PDE1A: variants seen among roughly 807,000 people sequenced by gnomAD.
The protein encoded by PDE1A is dual specificity calcium/calmodulin-dependent 3',5'-cyclic nucleotide phosphodiesterase 1A.
In PDE1A, 35 loss-of-function variants were observed where a neutral mutation model predicts 61.7. The observed-to-expected ratio is 0.57, with a 90% CI of 0.43 to 0.75. The LOEUF is 0.75. Among genes scored for constraint, PDE1A ranks in the 30% least tolerant of loss-of-function variants. The pLI is 0.00. For missense variants in PDE1A, 597 were observed against 630.6 expected, an observed-to-expected ratio of 0.95 and a Z score of 0.57; for synonymous variants, 232 against 213.2, an observed-to-expected ratio of 1.09 and a Z score of -0.77.
At chr2:182,229,140 C>G (rs1689366957) in intron 6 of PDE1A, among the ~76,000 whole-genome samples, 1 of 152,050 alleles carries the variant, frequency 6.6e-6, no homozygotes, top group Admixed American at 6.6e-5. Flanking sequence ...CCAGGTGAAG[C>G]TGATATAGTA....
At chr2:182,701,526 G>A in the PDE1A span, among the ~76,000 whole-genome samples, 110 of 151,658 alleles carry the variant, frequency 7.3e-4, no homozygotes, top group Middle Eastern at 3.4e-3. Flanking sequence ...GATTACAGAC[G>A]CGCACCACCA....
intron 13 of PDE1A, among the ~76,000 whole-genome samples, chr2:182,180,979 A>C (rs1574590139): frequency 6.6e-6 from 1 of 151,896 alleles, no homozygotes; most frequent in South Asian, 2.1e-4. Flanking sequence ...TCTAGTTAGC[A>C]GCTCCTGTAA....
At chr2:182,198,981 G>A (rs1480238536) in intron 10 of PDE1A, among the ~76,000 whole-genome samples, 1 of 151,938 alleles carries the variant, frequency 6.6e-6, no homozygotes, top group African/African-American at 2.4e-5. Flanking sequence ...TAAGCCTAGA[G>A]TTTTCTTCAT....
chr2:182,426,817 G>A lies in PDE1A; in HGVS notation c.-187C>T. The A allele has an allele frequency of 2.8e-6, 4 of 1,415,522 alleles. No homozygotes were observed. The South Asian group carries it at 4.8e-5, about 17-fold the overall frequency. The allele number at this position is 1,415,522 out of a possible 1,614,324, so 87.7% of individuals were successfully genotyped here. The stretch of plus-strand genomic sequence containing the variant: ...GCCAGCTGAGCAGTGTGTCCATAGA[G>A]GCCACATAAGACAGGCACGTTGGGG... On this transcript the variant is annotated 5_prime_UTR_variant, in exon 1 of 14. Transcript: ENST00000351439.
chr2:182,465,761 C>A (rs557399936), intron 2 of PDE1A, among the ~76,000 whole-genome samples: 3 of 151,976 alleles, frequency 2.0e-5, no homozygotes, highest in African/African-American at 7.2e-5. Flanking sequence ...CCCCAAATCA[C>A]GATTATTACT....
At chr2:182,626,063 C>A in the PDE1A span, among the ~76,000 whole-genome samples, 3 of 152,194 alleles carry the variant, frequency 2.0e-5, no homozygotes, top group Admixed American at 6.5e-5. Context: ...TCCTGCTCAC[C>A]TGCTGCTCCC....
chr2:182,708,982 C>T, the PDE1A span, among the ~76,000 whole-genome samples: 1 of 151,258 alleles, frequency 6.6e-6, no homozygotes, highest in Non-Finnish European at 1.5e-5. Context: ...TCATACTGGT[C>T]AAAAAAAACA....
intron 2 of PDE1A, among the ~76,000 whole-genome samples, chr2:182,505,498 G>C (rs779611993): frequency 1.3e-5 from 2 of 152,116 alleles, no homozygotes; most frequent in Non-Finnish European, 2.9e-5. Flanking sequence ...CACAGGGCCT[G>C]GGCACTTTGA....
chr2:182,441,246 G>A (rs1684774024), intron 2 of PDE1A, among the ~76,000 whole-genome samples: 1 of 152,068 alleles, frequency 6.6e-6, no homozygotes, highest in South Asian at 2.1e-4. Context: ...CCCCATCCTT[G>A]ACACATGGGG....
chr2:182,459,742 G>A (rs1220550291), intron 2 of PDE1A, among the ~76,000 whole-genome samples: 1 of 152,064 alleles, frequency 6.6e-6, no homozygotes, highest in South Asian at 2.1e-4. Flanking sequence ...ATTCAATGAG[G>A]AATGCTACAA....
At chr2:182,581,903 T>C in the PDE1A span, among the ~76,000 whole-genome samples, 1 of 152,104 alleles carries the variant, frequency 6.6e-6, no homozygotes, top group Admixed American at 6.6e-5. Context: ...TGGTTTGAGA[T>C]ACTGAGAAAA....
At chr2:182,658,384 A>C in the PDE1A span, among the ~76,000 whole-genome samples, 3 of 152,196 alleles carry the variant, frequency 2.0e-5, no homozygotes, top group Non-Finnish European at 4.4e-5. Context: ...TTGCCCTCAT[A>C]TGGCCTTATT....
intron 2 of PDE1A, among the ~76,000 whole-genome samples, chr2:182,260,622 T>C: frequency 6.6e-6 from 1 of 152,170 alleles, no homozygotes; most frequent in East Asian, 1.9e-4. Flanking sequence ...CAACAGACTC[T>C]CCAGAAAAAA....
chr2:182,253,032 T>C (rs1691515697), intron 2 of PDE1A, among the ~76,000 whole-genome samples: 1 of 152,234 alleles, frequency 6.6e-6, no homozygotes, highest in African/African-American at 2.4e-5. Context: ...GACTTTATGA[T>C]GGGATCAGTG....
the PDE1A span, among the ~76,000 whole-genome samples, chr2:182,611,129 C>T: frequency 6.6e-6 from 1 of 152,156 alleles, no homozygotes; most frequent in Non-Finnish European, 1.5e-5. Context: ...TCTCTATCTC[C>T]CTGAACCTCT....
the PDE1A span, among the ~76,000 whole-genome samples, chr2:182,660,481 A>T: frequency 6.6e-6 from 1 of 152,222 alleles, no homozygotes; most frequent in African/African-American, 2.4e-5. Context: ...GTTACATTGC[A>T]TGACAAAAGA....
intron 2 of PDE1A, among the ~76,000 whole-genome samples, chr2:182,482,763 A>T (rs887981568): frequency 1.7e-4 from 26 of 152,002 alleles, no homozygotes; most frequent in African/African-American, 4.8e-4. Context: ...TCATTGCTGG[A>T]GGTAGCTGAC....
chr2:182,145,815 A>G (rs941723555), downstream of PDE1A, among the ~76,000 whole-genome samples: 1 of 152,256 alleles, frequency 6.6e-6, no homozygotes, highest in African/African-American at 2.4e-5. Context: ...TGCTATTCAC[A>G]AAACTATTCT....
intron 1 of PDE1A, among the ~76,000 whole-genome samples, chr2:182,352,820 G>C (rs1160790875): frequency 6.6e-6 from 1 of 152,038 alleles, no homozygotes; most frequent in Non-Finnish European, 1.5e-5. Flanking sequence ...CAATTAAGCA[G>C]TGAATACATT....
Sources: allele counts gnomAD v4.1 joint callset (sites outside exome capture counted in the v4.1 genomes callset), GRCh38; gene constraint gnomAD v4.1.1; transcripts MANE v1.5; gene names NCBI Gene and HGNC (gene_info 2026-07-23, HGNC 2026-07-21).